Variants in LUZP2 observed in about 807,000 individuals in gnomAD.
LUZP2 encodes leucine zipper protein 2.
A neutral mutation model predicts 51.6 loss-of-function variants in LUZP2; 52 were observed. That is an observed-to-expected ratio of 1.01 (90% confidence interval 0.81 to 1.27). The LOEUF is 1.27. Ranked by LOEUF, LUZP2 falls within the 50% of genes most tolerant of loss-of-function variation. The probability of loss-of-function intolerance (pLI) is 0.00; values close to 1 mark genes in which losing one functional copy is unlikely to be tolerated. For synonymous variants in LUZP2, 154 were observed against 137.3 expected, an observed-to-expected ratio of 1.12 and a Z score of -0.85; for missense variants, 436 against 395.4, an observed-to-expected ratio of 1.10 and a Z score of -0.87.
intron 1 of LUZP2, among the ~76,000 whole-genome samples, chr11:24,628,481 G>A (rs964930994): frequency 6.6e-6 from 1 of 152,052 alleles, no homozygotes; most frequent in Non-Finnish European, 1.5e-5. Flanking sequence ...CCCGAGTTAT[G>A]TGCAGTTGAG....
chr11:24,893,772 G>GCACA (rs34127798), intron 5 of LUZP2, among the ~76,000 whole-genome samples: 49 of 149,536 alleles, frequency 3.3e-4, no homozygotes, highest in African/African-American at 1.1e-3. Context: ...AAATACACAC[G>GCACA]CACACACACA....
At chr11:24,720,510 G>T (rs951356228) in intron 1 of LUZP2, among the ~76,000 whole-genome samples, 1 of 152,162 alleles carries the variant, frequency 6.6e-6, no homozygotes, top group Non-Finnish European at 1.5e-5. Flanking sequence ...AATGAAAAAT[G>T]TATGTGACCA....
At chr11:24,602,381 T>TACAC (rs1354717150) in intron 1 of LUZP2, among the ~76,000 whole-genome samples, 6 of 41,852 alleles carry the variant, frequency 1.4e-4, no homozygotes, top group South Asian at 1.7e-3. Flanking sequence ...TGTGTATATA[T>TACAC]ATATATACAC....
At chr11:24,948,825 A>G (rs199969646) in intron 7 of LUZP2, among the ~76,000 whole-genome samples, 1 of 2,312 alleles carries the variant, frequency 4.3e-4, no homozygotes, top group Non-Finnish European at 7.8e-3. Flanking sequence ...TCTATCTATC[A>G]TCTATCTATC....
At chr11:25,024,486 A>G (rs1209532506) in intron 9 of LUZP2, among the ~76,000 whole-genome samples, 1 of 152,178 alleles carries the variant, frequency 6.6e-6, no homozygotes, top group Non-Finnish European at 1.5e-5. Context: ...AATCACAAGC[A>G]TTCCTATACA....
At chr11:24,817,354 T>A (rs1279908530) in intron 5 of LUZP2, among the ~76,000 whole-genome samples, 2 of 152,048 alleles carry the variant, frequency 1.3e-5, no homozygotes, top group African/African-American at 4.8e-5. Flanking sequence ...TTGAAACTTA[T>A]ACAAAAAATA....
chr11:24,730,857 A>G (rs1052185555), intron 2 of LUZP2, among the ~76,000 whole-genome samples: 1 of 151,836 alleles, frequency 6.6e-6, no homozygotes, highest in Non-Finnish European at 1.5e-5. Context: ...ACCACTAAAC[A>G]TAACTGCAGT....
chr11:24,529,117 A>G (rs949836518), intron 1 of LUZP2, among the ~76,000 whole-genome samples: 6 of 150,940 alleles, frequency 4.0e-5, no homozygotes, highest in Non-Finnish European at 8.9e-5. Context: ...AACTTATTCC[A>G]GTTTATAAGT....
intron 1 of LUZP2, among the ~76,000 whole-genome samples, chr11:24,570,804 C>T (rs2133799555): frequency 6.6e-6 from 1 of 152,072 alleles, no homozygotes. Flanking sequence ...TTTCCACCTA[C>T]TTTTCATATA....
In LUZP2 at chr11:24,845,783, AC is replaced by A. The variant is rs142409466; in HGVS notation, c.397-60206del. Among the ~76,000 whole-genome samples, 968 of 152,142 alleles carry A rather than the reference AC, an allele frequency of 6.4e-3. 41 individuals are homozygous for A. In the East Asian group the frequency reaches 0.13, roughly 20 times the overall value. On this transcript the variant is annotated intron_variant, in intron 5 of 11. Coordinates refer to ENST00000336930, the MANE Select transcript of LUZP2 (RefSeq NM_001009909.4). ...TCTGCCGCCATTCATGTAAGACATG[AC>A]CTGCTCTTCCTTGCCTTTCACCATG...
At position 24,955,829 on chromosome 11, in the gene LUZP2, G is replaced by A. The variant is rs986649938; in HGVS notation, c.523-20762G>A. ...TATTTAAAATCTCAAACTGAAGATA[G>A]GGGAGTTTGTGTTCTATTGTAAAGA... On this transcript the variant is annotated intron_variant, in intron 7 of 11. Transcript: ENST00000336930. 3.9e-5 allele frequency among the ~76,000 whole-genome samples: 6 copies of A among 152,036 alleles called. No homozygotes were observed. In the East Asian group the frequency reaches 5.8e-4, roughly 15 times the overall value.
intron 9 of LUZP2, among the ~76,000 whole-genome samples, chr11:25,031,300 A>G (rs1214097889): frequency 2.0e-5 from 3 of 151,870 alleles, no homozygotes; most frequent in Non-Finnish European, 4.4e-5. Context: ...GTGAGCCACC[A>G]TGCCCAGACT....
intron 1 of LUZP2, among the ~76,000 whole-genome samples, chr11:24,713,683 G>GTCTTTT (rs1554978134): frequency 1.1e-5 from 1 of 89,690 alleles, no homozygotes; most frequent in African/African-American, 4.6e-5. Flanking sequence ...GTGAGAATCT[G>GTCTTTT]TTTTTTTTTT....
At chr11:24,761,655 A>G (rs967498911) in intron 4 of LUZP2, among the ~76,000 whole-genome samples, 58 of 152,290 alleles carry the variant, frequency 3.8e-4, no homozygotes, top group African/African-American at 1.4e-3. Context: ...CACTGTATTT[A>G]GGGATATGTC....
rs191813534 is a variant in LUZP2, at chr11:24,977,683, A to T, written c.597+1018A>T. ...GCTTTACATATGTATGTATACATAC[A>T]TTAGATATAGGTAATAAATATATGT... On this transcript the variant is annotated intron_variant, in intron 8 of 11. Transcript: ENST00000336930. Among the ~76,000 whole-genome samples, 1,028 of 151,780 alleles carry T rather than the reference A, an allele frequency of 6.8e-3. 21 individuals carry two copies. In the East Asian group the frequency reaches 0.074, roughly 11 times the overall value.
chr11:25,071,128 T>C (rs1000130517), intron 10 of LUZP2, among the ~76,000 whole-genome samples: 4 of 151,810 alleles, frequency 2.6e-5, no homozygotes, highest in South Asian at 4.1e-4. Flanking sequence ...TGAGGTATGA[T>C]AATGTGTTTT....
At chr11:24,962,198 A>T (rs1406429155) in intron 7 of LUZP2, among the ~76,000 whole-genome samples, 3 of 151,774 alleles carry the variant, frequency 2.0e-5, no homozygotes, top group African/African-American at 7.3e-5. Flanking sequence ...CTTCATTTCA[A>T]CTTTTGGGAA....
chr11:24,576,007 G>A (rs917569028), intron 1 of LUZP2, among the ~76,000 whole-genome samples: 3 of 152,002 alleles, frequency 2.0e-5, no homozygotes, highest in African/African-American at 2.4e-5. Context: ...TGTCATATAT[G>A]TTATTTGTTA....
chr11:25,038,027 T>A (rs907964729), intron 9 of LUZP2, among the ~76,000 whole-genome samples: 2 of 152,032 alleles, frequency 1.3e-5, no homozygotes, highest in African/African-American at 4.8e-5. Flanking sequence ...TTAGTGAAAT[T>A]TTCACGTATT....
Sources: allele counts gnomAD v4.1 joint callset (sites outside exome capture counted in the v4.1 genomes callset), GRCh38; gene constraint gnomAD v4.1.1; transcripts MANE v1.5; gene names NCBI Gene and HGNC (gene_info 2026-07-23, HGNC 2026-07-21).